Variants in DCUN1D2 observed in about 807,000 individuals in gnomAD.
DCUN1D2 encodes defective in cullin neddylation 1 domain containing 2.
In DCUN1D2, 29 loss-of-function variants were observed where a neutral mutation model predicts 30.9. That is an observed-to-expected ratio of 0.94 (90% CI 0.70 to 1.28). The LOEUF (loss-of-function observed/expected upper bound fraction) is 1.28, where lower values mean the gene tolerates loss of function less well. Ranked by LOEUF, DCUN1D2 falls within the 50% of genes most tolerant of loss-of-function variation. The pLI, the probability that DCUN1D2 is intolerant of heterozygous loss-of-function variation, is 0.00. For synonymous variants in DCUN1D2, 121 were observed against 115.3 expected (o/e 1.05, Z -0.32); for missense variants, 325 against 316.9 (o/e 1.03, Z -0.19).
chr13:113,490,811 T>A (rs540653401), upstream of DCUN1D2: 302 of 750,422 alleles, frequency 4.0e-4, 1 homozygote, highest in African/African-American at 4.6e-3. The surrounding 1 kb of genome is among the most constrained non-coding windows in gnomAD (Gnocchi z 5.2). Context: ...ACTCCCGGCA[T>A]GCTCAGCGCC....
chr13:113,479,268 G>A (rs1393346235), intron 3 of DCUN1D2, among the ~76,000 whole-genome samples: 4 of 151,910 alleles, frequency 2.6e-5, no homozygotes, highest in Non-Finnish European at 4.4e-5. Flanking sequence ...CTTTCTCTTT[G>A]TAGTTGCTTA....
At chr13:113,478,284 T>C (rs1157744561) in intron 3 of DCUN1D2, among the ~76,000 whole-genome samples, 1 of 152,148 alleles carries the variant, frequency 6.6e-6, no homozygotes, top group African/African-American at 2.4e-5. Context: ...GTAAATTACA[T>C]TTTTCACATA....
intron 1 of DCUN1D2, among the ~76,000 whole-genome samples, chr13:113,485,802 G>A (rs2044792019): frequency 6.6e-6 from 1 of 152,092 alleles, no homozygotes; most frequent in Non-Finnish European, 1.5e-5. Flanking sequence ...CCTTTCAGGA[G>A]TCCCACAGAA....
chr13:113,459,374 C>T lies in DCUN1D2; in HGVS notation c.638G>A (p.Trp213Ter). The change falls in exon 6 of 7, where the codon TGG becomes TAG. Residue 213 changes from tryptophan to a stop codon, truncating the protein, a stop_gained. Coordinates refer to ENST00000478244, the MANE Select transcript of DCUN1D2 (RefSeq NM_001014283.2). LOFTEE classifies it high-confidence loss of function. ...GTTTCCAAAGTCCAGCAGGAGGTTC[C>T]AGGTGTCCCTTGGAATTGATCTTTT... ...HHKRSIPRDT[W>*]NLLLDFGNMI... The T allele has an allele frequency of 6.3e-7, 1 of 1,599,710 alleles. No homozygotes were observed. The highest frequency in any genetic ancestry group is 1.3e-5 in the African/African-American group (1 of 74,674).
At chr13:113,481,195 C>T (rs1246051778) in intron 2 of DCUN1D2, among the ~76,000 whole-genome samples, 1 of 152,148 alleles carries the variant, frequency 6.6e-6, no homozygotes, top group Non-Finnish European at 1.5e-5. Context: ...TAAGTGATTT[C>T]ATTTGCTAAT....
intron 2 of DCUN1D2, among the ~76,000 whole-genome samples, chr13:113,481,877 A>AAAAG (rs1361458568): frequency 6.6e-6 from 1 of 151,974 alleles, no homozygotes; most frequent in Non-Finnish European, 1.5e-5. Flanking sequence ...AAAAAAAAAA[A>AAAAG]AAAGAAAAAT....
rs191119657 is a variant in DCUN1D2, at chr13:113,479,642, G to A, written c.389+933C>T. 1.9e-3 allele frequency among the ~76,000 whole-genome samples: 285 copies of A among 152,232 alleles called. 1 individual carries two copies. The highest frequency in any genetic ancestry group is 2.6e-3 in the Non-Finnish European group (175 of 68,026). On this transcript the variant is annotated intron_variant, in intron 3 of 6. Coordinates refer to ENST00000478244, the MANE Select transcript of DCUN1D2 (RefSeq NM_001014283.2). ...CGGGCATGAGGCATGAGAATCGCTT[G>A]AACTCAGGAGACGGAGTTTGCTGTG...
At chr13:113,458,592 C>T (rs1467743530) in intron 6 of DCUN1D2, among the ~76,000 whole-genome samples, 2 of 152,250 alleles carry the variant, frequency 1.3e-5, no homozygotes, top group Non-Finnish European at 2.9e-5. Flanking sequence ...GCGCTTCTGT[C>T]AATGAGATTC....
At chr13:113,475,833 G>A in intron 3 of DCUN1D2, 1 of 152,404 alleles carries the variant, frequency 6.6e-6, no homozygotes, top group Non-Finnish European at 1.5e-5. Context: ...GGAGTGGGTG[G>A]CAGCTGAGGG....
intron 1 of DCUN1D2, among the ~76,000 whole-genome samples, chr13:113,485,718 T>C (rs1315688811): frequency 6.6e-6 from 1 of 152,106 alleles, no homozygotes; most frequent in Non-Finnish European, 1.5e-5. Context: ...AGAGGACGAT[T>C]CTGCAGAGGC....
chr13:113,484,124 C>A (rs774688067), intron 1 of DCUN1D2, 68 bp from the exon 2 acceptor site: 1 of 1,596,104 alleles, frequency 6.3e-7, no homozygotes, highest in African/African-American at 1.3e-5. Flanking sequence ...TTTAGCCTAA[C>A]GCCTGCACTT....
rs1595579718 is a variant in DCUN1D2 at position 113,474,143 on chromosome 13, G to A, written c.501C>T (p.Asn167=). The A allele has an allele frequency of 6.2e-7, 1 of 1,614,104 alleles. No individual in the cohort carries two copies. The highest frequency in any genetic ancestry group is 1.3e-5 in the African/African-American group (1 of 75,062). ...ACTCACCTAAACCTTTCTGCCCTGG[G>A]TTCTTAGCGAAGGTGAAGGTAAACT... The part of the protein sequence containing the change: ...FYQFTFTFAK[N]PGQKGLDLEM... Residue 167 remains asparagine (N), a synonymous_variant, in exon 4 of 7, where the codon AAC becomes AAT. Coordinates refer to ENST00000478244, the MANE Select transcript of DCUN1D2 (RefSeq NM_001014283.2).
chr13:113,474,011 A>C, intron 4 of DCUN1D2, 113 bp downstream of exon 4: 2 of 1,397,782 alleles, frequency 1.4e-6, no homozygotes, highest in Non-Finnish European at 2.0e-6. Flanking sequence ...TCTCCAAAAA[A>C]CCAAACCAAA....
intron 4 of DCUN1D2, among the ~76,000 whole-genome samples, chr13:113,467,403 T>C (rs1035673663): frequency 6.6e-6 from 1 of 152,234 alleles, no homozygotes; most frequent in Non-Finnish European, 1.5e-5. Context: ...GTGTAGTCTG[T>C]TGTAAATTCA....
intron 4 of DCUN1D2, among the ~76,000 whole-genome samples, chr13:113,464,234 A>G (rs2044365833): frequency 1.3e-5 from 2 of 152,272 alleles, no homozygotes; most frequent in Admixed American, 6.5e-5. Flanking sequence ...AATGATTCTG[A>G]CAAACATTTC....
At chr13:113,471,447 C>G (rs1294451370) in intron 4 of DCUN1D2, among the ~76,000 whole-genome samples, 1 of 152,170 alleles carries the variant, frequency 6.6e-6, no homozygotes, top group Admixed American at 6.5e-5. Flanking sequence ...AGACCAAAAC[C>G]AAATACAAGG....
At chr13:113,485,077 CAATA>C (rs58781524) in intron 1 of DCUN1D2, among the ~76,000 whole-genome samples, 28,746 of 148,452 alleles carry the variant, frequency 0.19, 3,650 homozygotes, top group African/African-American at 0.37. Context: ...GACTCTATCT[CAATA>C]AATAAATAAA....
chr13:113,475,750 T>C (rs373483425), intron 3 of DCUN1D2: 1 of 152,400 alleles, frequency 6.6e-6, no homozygotes, highest in East Asian at 1.9e-4. Context: ...CCAGGTGTGG[T>C]GGCATGTGCC....
intron 5 of DCUN1D2, 84 bp from the exon 6 acceptor site, chr13:113,459,492 C>T: frequency 1.5e-6 from 1 of 668,486 alleles, no homozygotes; most frequent in Non-Finnish European, 2.7e-6. Flanking sequence ...TAGCGATCTT[C>T]AATTAATGTT....
Sources: allele counts gnomAD v4.1 joint callset (sites outside exome capture counted in the v4.1 genomes callset), GRCh38; gene constraint gnomAD v4.1.1; non-coding constraint Gnocchi (gnomAD v3.1); transcripts MANE v1.5; gene names NCBI Gene and HGNC (gene_info 2026-07-23, HGNC 2026-07-21).